The following FLT3 variants were observed in gnomAD, a reference collection of about 807,000 sequenced individuals.
FLT3 encodes receptor-type tyrosine-protein kinase FLT3.
FLT3 carries 46 observed loss-of-function variants against 126.6 expected under a neutral mutation model. The ratio of observed to expected loss-of-function variants is 0.36; its 90% CI spans 0.29 to 0.46. FLT3 has a LOEUF of 0.46. Among genes scored for constraint, FLT3 ranks in the 20% least tolerant of loss-of-function variants. FLT3 has a pLI of 1.00. For missense variants in FLT3, 1,069 were observed against 1,190.3 expected (o/e 0.90, Z 1.50); for synonymous variants, 404 against 434.4 (o/e 0.93, Z 0.87).
intron 1 of FLT3, among the ~76,000 whole-genome samples, chr13:28,097,285 A>G (rs1879519991): frequency 6.6e-6 from 1 of 152,162 alleles, no homozygotes; most frequent in South Asian, 2.1e-4. Context: ...TGGGTATTCA[A>G]TTAAAGTTTG....
At chr13:28,060,931 C>T (rs1876501112) in intron 3 of FLT3, among the ~76,000 whole-genome samples, 1 of 151,904 alleles carries the variant, frequency 6.6e-6, no homozygotes, top group Non-Finnish European at 1.5e-5. Flanking sequence ...GAGTTTTAGA[C>T]TTACAGGAAA....
Position 28,015,252 on chromosome 13 carries a change from C to G in FLT3, c.2658G>C (p.Val886=), listed in dbSNP as rs147438268. Residue 886 remains valine, a synonymous_variant, in exon 22 of 24, where the codon GTG becomes GTC. Transcript: ENST00000241453. ...ILLWEIFSLG[V]NPYPGIPVDA... Reference sequence around the variant, plus strand: ...CAACCGGAATGCCAGGGTAAGGATTCACACCTGAGGAAAACATTAGACAAT... The same window carrying G: ...CAACCGGAATGCCAGGGTAAGGATTGACACCTGAGGAAAACATTAGACAAT... The G allele has an allele frequency of 3.1e-6, 5 of 1,591,610 alleles. No homozygotes were observed. The highest frequency in any genetic ancestry group is 3.3e-4 in the Middle Eastern group (2 of 6,014).
chr13:28,068,381 T>A (rs1254778518), intron 2 of FLT3: 1 of 152,206 alleles, frequency 6.6e-6, no homozygotes, highest in East Asian at 1.9e-4. Flanking sequence ...GAAACGCGAT[T>A]CCCAGCCAGG....
chr13:28,011,723 TTC>T (rs72417170), intron 23 of FLT3, among the ~76,000 whole-genome samples: 3 of 141,888 alleles, frequency 2.1e-5, no homozygotes, highest in Non-Finnish European at 3.1e-5. Context: ...CTTTCTTTCT[TTC>T]TCTCTTTCTT....
intron 10 of FLT3, 106 bp downstream of exon 10, chr13:28,037,079 T>G (rs901579228): frequency 2.2e-6 from 1 of 451,874 alleles, no homozygotes; most frequent in South Asian, 2.8e-5. Flanking sequence ...ACAAAAACAG[T>G]TTTGTAGTAG....
chr13:28,007,899 G>A (rs780188003), intron 23 of FLT3, among the ~76,000 whole-genome samples: 13 of 152,242 alleles, frequency 8.5e-5, no homozygotes, highest in South Asian at 2.1e-4. Context: ...CCTGATCATC[G>A]CTATTATTTT....
intron 2 of FLT3, among the ~76,000 whole-genome samples, chr13:28,070,047 C>G (rs371860851): frequency 1.3e-5 from 2 of 152,226 alleles, no homozygotes; most frequent in African/African-American, 4.8e-5. Flanking sequence ...CCCGGGAGGG[C>G]GAGGCTGCAG....
chr13:28,034,450 G>T, intron 12 of FLT3, 43 bp from the exon 13 acceptor site: 2 of 1,361,274 alleles, frequency 1.5e-6, no homozygotes, highest in South Asian at 1.2e-5. Context: ...CAGAATTCCT[G>T]TGTGACATTA....
chr13:28,006,384 A>G lies in FLT3; in HGVS notation c.2860-2210T>C, dbSNP rs145674739. On this transcript the variant is annotated intron_variant, in intron 23 of 23. Transcript: ENST00000241453. ...ATATCCATTGTGAACCAGGTGTTGC[A>G]CAATGACAGCTTTGCTTGTACCCTG... Among the ~76,000 whole-genome samples, 440 of 152,042 alleles carry G rather than the reference A, an allele frequency of 2.9e-3. 2 individuals are homozygous for G. The highest frequency in any genetic ancestry group is 0.01 in the African/African-American group (421 of 41,478).
At chr13:28,005,544 G>A (rs1020330793) in intron 23 of FLT3, among the ~76,000 whole-genome samples, 3 of 150,612 alleles carry the variant, frequency 2.0e-5, no homozygotes, top group Admixed American at 6.6e-5. Flanking sequence ...TTTTTTTCAC[G>A]GCAGCCTAGA....
Position 28,061,966 on chromosome 13 carries a change from G to A in FLT3, c.269C>T (p.Thr90Ile), listed in dbSNP as rs760407576. Residue 90 changes from threonine (T) to isoleucine (I), a missense_variant, in exon 3 of 24, where the codon ACA (threonine) becomes ATA (isoleucine). Thr to Ile is a moderately conservative substitution (Grantham distance 89). Coordinates refer to ENST00000241453, the MANE Select transcript of FLT3 (RefSeq NM_004119.3). The stretch of plus-strand genomic sequence containing the variant: ...TGGGGCGTCGACCAGCACTTGCAGT[G>A]TGATGGAAGCAGATACATCCACTTC... ...AVEVDVSASI[T>I]LQVLVDAPGN... 6.2e-7 allele frequency: 1 copy of A among 1,613,734 alleles called. No individual in the cohort carries two copies. Among genetic ancestry groups the A allele is most frequent in the Non-Finnish European group, 8.5e-7 (1 of 1,179,792 alleles).
At position 28,062,069 on chromosome 13, in the gene FLT3, C is replaced by T; in HGVS notation, c.166G>A (p.Val56Ile). ...CCGAGGTCTTCCGGGGATTCTGATA[C>T]CTACGTTGCAGATAGAACAAAGTGA... ...SVGKSSSYPM[V>I]SESPEDLGCA... Residue 56 changes from valine to isoleucine, a missense_variant and splice_region_variant, in exon 3 of 24, where the codon GTA becomes ATA. Coordinates refer to ENST00000241453, the MANE Select transcript of FLT3 (RefSeq NM_004119.3). 2 of 1,611,070 alleles carry T rather than the reference C, an allele frequency of 1.2e-6. No homozygotes were observed. The highest frequency in any genetic ancestry group is 1.7e-6 in the Non-Finnish European group (2 of 1,179,134).
At position 28,033,825 on chromosome 13, in the gene FLT3, G is replaced by A. The variant is rs562428694; in HGVS notation, c.1942+62C>T. 782 of 1,181,444 alleles carry A rather than the reference G, an allele frequency of 6.6e-4. 14 individuals carry two copies. The South Asian group carries it at 9.2e-3, about 14-fold the overall frequency. The allele number at this position is 1,181,444 out of a possible 1,614,324, so 73.2% of individuals were successfully genotyped here. On this transcript the variant is annotated intron_variant, in intron 15 of 23. Transcript: ENST00000241453. ...AGGATGGAAAAGAGAAGAAGGCATG[G>A]GTGGGAAACTGTGCCTCCCATTTTT...
intron 17 of FLT3, among the ~76,000 whole-genome samples, chr13:28,026,509 A>G (rs1371258625): frequency 6.6e-6 from 1 of 152,182 alleles, no homozygotes; most frequent in Non-Finnish European, 1.5e-5. Context: ...GCAAACTCCT[A>G]CAGCCCTCAT....
chr13:28,004,603 C>T (rs1001233659), intron 23 of FLT3, among the ~76,000 whole-genome samples: 5 of 152,130 alleles, frequency 3.3e-5, no homozygotes, highest in African/African-American at 7.2e-5. Context: ...CCACTACGCC[C>T]GGCCTAGACA....
chr13:28,078,214 C>T (rs186289126), intron 1 of FLT3, among the ~76,000 whole-genome samples: 86 of 152,312 alleles, frequency 5.6e-4, no homozygotes, highest in African/African-American at 1.1e-3. Context: ...GTGGGGGCTC[C>T]GACCCCACAT....
intron 15 of FLT3, among the ~76,000 whole-genome samples, chr13:28,031,159 C>T (rs916119865): frequency 2.0e-5 from 3 of 150,050 alleles, no homozygotes; most frequent in African/African-American, 7.4e-5. Context: ...ACCCAGGAGG[C>T]GGAGCTTACA....
intron 9 of FLT3, 99 bp from the exon 10 acceptor site, chr13:28,037,387 C>T: frequency 1.4e-6 from 1 of 740,460 alleles, no homozygotes. Flanking sequence ...TTGAAATGCT[C>T]CTCACTTGCT....
chr13:28,077,867 A>G (rs1283036934), intron 1 of FLT3, among the ~76,000 whole-genome samples: 1 of 152,178 alleles, frequency 6.6e-6, no homozygotes, highest in Non-Finnish European at 1.5e-5. Flanking sequence ...CAAATGGGAG[A>G]AATTGGCCAA....
Sources: gnomAD v4.1 joint callset for allele counts (sites outside exome capture counted in the v4.1 genomes callset) on GRCh38, gnomAD v4.1.1 for gene constraint, MANE v1.5 for transcripts, NCBI Gene and HGNC (gene_info 2026-07-23, HGNC 2026-07-21) for gene names.